Variants in CSMD1 observed in about 807,000 individuals in gnomAD.
CSMD1 encodes CUB and Sushi multiple domains 1, also known as CUB and sushi domain-containing protein 1.
Under a neutral mutation model 417.5 loss-of-function variants are expected in CSMD1, and 213 were observed. The observed-to-expected ratio is 0.51, with a 90% confidence interval of 0.46 to 0.57. The LOEUF is 0.57. Among genes scored for constraint, CSMD1 ranks in the 20% least tolerant of loss-of-function variants. CSMD1 has a pLI of 0.00. For missense variants in CSMD1, 6,923 were observed against 4,529.7 expected, an observed-to-expected ratio of 1.53 and a Z score of -15.17; for synonymous variants, 2,862 against 1,736.8, an observed-to-expected ratio of 1.65 and a Z score of -16.11.
At chr8:4,773,411 G>C (rs936399968) in intron 1 of CSMD1, among the ~76,000 whole-genome samples, 5 of 152,146 alleles carry the variant, frequency 3.3e-5, no homozygotes, top group African/African-American at 9.7e-5. Context: ...TTCTGCAGCA[G>C]TTGCTTTACT....
At chr8:4,386,169 A>G (rs1803438806) in intron 3 of CSMD1, among the ~76,000 whole-genome samples, 1 of 152,002 alleles carries the variant, frequency 6.6e-6, no homozygotes, top group Non-Finnish European at 1.5e-5. Flanking sequence ...CCACTCAAAC[A>G]ATACACACTA....
intron 5 of CSMD1, among the ~76,000 whole-genome samples, chr8:3,804,810 C>G (rs1329083045): frequency 6.6e-6 from 1 of 152,106 alleles, no homozygotes; most frequent in South Asian, 2.1e-4. Flanking sequence ...TTATTCATAT[C>G]TAATAATTGA....
chr8:3,743,408 G>A (rs897145441), intron 6 of CSMD1, among the ~76,000 whole-genome samples: 1 of 152,202 alleles, frequency 6.6e-6, no homozygotes, highest in African/African-American at 2.4e-5. Flanking sequence ...GGAATAGTGT[G>A]ACATTAGGAT....
intron 1 of CSMD1, among the ~76,000 whole-genome samples, chr8:4,785,744 A>G (rs766808515): frequency 4.6e-5 from 7 of 152,198 alleles, no homozygotes; most frequent in Non-Finnish European, 8.8e-5. Flanking sequence ...CTCTCAGTGC[A>G]TCATACAAAT....
Position 3,795,561 on chromosome 8 carries a change from A to C in CSMD1, c.819-41519T>G. 2.3e-4 allele frequency among the ~76,000 whole-genome samples: 2 copies of C among 8,688 alleles called. 1 individual carries two copies. The highest frequency in any genetic ancestry group is 8.3e-3 in the South Asian group (2 of 242). 5.7% of individuals were successfully genotyped at this position (8,688 alleles called of 152,430 possible). Reference sequence around the variant, plus strand: ...CTATCATAGATATAGATATATATCTATCATAGATATAGATATATATCTATC... The same window carrying C: ...CTATCATAGATATAGATATATATCTCTCATAGATATAGATATATATCTATC... On this transcript the variant is annotated intron_variant, in intron 5 of 69. Transcript: ENST00000635120.
intron 7 of CSMD1, among the ~76,000 whole-genome samples, chr8:3,624,247 T>C (rs951866199): frequency 1.3e-5 from 2 of 152,148 alleles, no homozygotes; most frequent in Admixed American, 6.6e-5. Context: ...CACGAGTCTT[T>C]AGTCCAAACC....
chr8:3,508,993 G>T (rs75527892), intron 10 of CSMD1, among the ~76,000 whole-genome samples: 1 of 152,156 alleles, frequency 6.6e-6, no homozygotes, highest in Non-Finnish European at 1.5e-5. Flanking sequence ...GAATATCTCA[G>T]TGCAAATCCC....
chr8:3,500,257 G>C (rs1433562511), intron 10 of CSMD1, among the ~76,000 whole-genome samples: 2 of 152,130 alleles, frequency 1.3e-5, no homozygotes, highest in Admixed American at 6.5e-5. Context: ...TTGTCATTTT[G>C]GTTCCTCTTT....
rs1407744154 is a variant in CSMD1 at position 3,439,281 on chromosome 8, G to GTGTGTATATATATATATATA, written c.1561+29430_1561+29431insTATATATATATATATACACA. On this transcript the variant is annotated intron_variant, in intron 12 of 69. Transcript: ENST00000635120. ...TATTTGAGAGCATTTGGCAATGTCA[G>GTGTGTATATATATATATATA]TATATATATATATATATATATATAT... is the stretch of plus-strand genomic sequence containing the variant. 1.4e-3 allele frequency among the ~76,000 whole-genome samples: 78 copies of GTGTGTATATATATATATATA among 54,306 alleles called. 1 individual carries two copies. The highest frequency in any genetic ancestry group is 2.3e-3 in the South Asian group (3 of 1,278). 35.6% of individuals were successfully genotyped at this position (54,306 alleles called of 152,430 possible).
rs192965123 is a variant in CSMD1, at chr8:4,890,594, G to A, written c.85+103738C>T. ...CATCCTGGGCAGGACAGGTGAGAGC[G>A]TGACTCTGACACCCTCCCCTGCTTC... On this transcript the variant is annotated intron_variant, in intron 1 of 69. Transcript: ENST00000635120. Among the ~76,000 whole-genome samples the A allele has an allele frequency of 2.7e-5, 4 of 150,170 alleles. No individual in the cohort carries two copies. In the East Asian group the frequency reaches 8.0e-4, roughly 30 times the overall value.
In CSMD1 at chr8:3,579,266, A is replaced by T. The variant is rs145183179; in HGVS notation, c.1223-4200T>A. ...TTGGATGCCAATGCATGCCATTTTG[A>T]CATTTATCCACTTAATCAATGAATA... On this transcript the variant is annotated intron_variant, in intron 9 of 69. Coordinates refer to ENST00000635120, the MANE Select transcript of CSMD1 (RefSeq NM_033225.6). Among the ~76,000 whole-genome samples the T allele has an allele frequency of 1.3e-4, 20 of 152,352 alleles. No individual in the cohort carries two copies. The East Asian group carries it at 2.7e-3, about 21-fold the overall frequency.
chr8:4,240,562 GC>G (rs1436169714), intron 3 of CSMD1, among the ~76,000 whole-genome samples: 1 of 152,138 alleles, frequency 6.6e-6, no homozygotes, highest in Non-Finnish European at 1.5e-5. Context: ...TGTGCCTCCT[GC>G]CTTTTTATTT....
chr8:4,634,851 T>G (rs1429580661), intron 2 of CSMD1, among the ~76,000 whole-genome samples: 1 of 152,142 alleles, frequency 6.6e-6, no homozygotes, highest in Non-Finnish European at 1.5e-5. Flanking sequence ...ACATCTCTAT[T>G]TATTTCACCT....
chr8:4,880,809 G>A (rs1354789672), intron 1 of CSMD1, among the ~76,000 whole-genome samples: 2 of 152,100 alleles, frequency 1.3e-5, no homozygotes, highest in East Asian at 1.9e-4. Flanking sequence ...CTCAGAAAAA[G>A]TTTTCACTTT....
At chr8:2,981,481 T>G (rs558626290) in intron 54 of CSMD1, among the ~76,000 whole-genome samples, 8 of 152,262 alleles carry the variant, frequency 5.3e-5, no homozygotes, top group African/African-American at 1.9e-4. Context: ...CAGAAAGAAA[T>G]AAAGAGGCTC....
intron 12 of CSMD1, among the ~76,000 whole-genome samples, chr8:3,415,597 G>C (rs958993051): frequency 1.3e-5 from 2 of 152,166 alleles, no homozygotes; most frequent in Admixed American, 6.5e-5. Context: ...GGCCTCAAGT[G>C]ATCTGCCCTC....
intron 10 of CSMD1, among the ~76,000 whole-genome samples, chr8:3,509,366 C>G (rs1199837315): frequency 1.3e-5 from 2 of 152,240 alleles, no homozygotes; most frequent in East Asian, 3.9e-4. Context: ...TCAACTTTGT[C>G]ATAAGAAAAA....
intron 2 of CSMD1, among the ~76,000 whole-genome samples, chr8:4,486,609 T>G (rs1725109): frequency 0.021 from 3,178 of 152,188 alleles, 103 homozygotes; most frequent in African/African-American, 0.073. Flanking sequence ...AAACTTTATT[T>G]ATATAAATAC....
At chr8:4,477,513 C>T (rs931666789) in intron 2 of CSMD1, among the ~76,000 whole-genome samples, 1 of 152,174 alleles carries the variant, frequency 6.6e-6, no homozygotes, top group African/African-American at 2.4e-5. Flanking sequence ...ACGTGAGTGG[C>T]CTGGCATTTT....
Sources: gnomAD v4.1 joint callset for allele counts (sites outside exome capture counted in the v4.1 genomes callset) on GRCh38, gnomAD v4.1.1 for gene constraint, MANE v1.5 for transcripts, NCBI Gene and HGNC (gene_info 2026-07-23, HGNC 2026-07-21) for gene names.